Variants in EML1 observed in about 807,000 individuals in gnomAD.
The protein encoded by EML1 is echinoderm microtubule-associated protein-like 1.
Under a neutral mutation model 110.4 loss-of-function variants are expected in EML1, and 27 were observed. The ratio of observed to expected loss-of-function variants is 0.24; its 90% CI spans 0.18 to 0.34. The LOEUF is 0.34. EML1 is among the 10% of genes least tolerant of loss of function. The pLI is 1.00. For missense variants in EML1, 741 were observed against 1,030.9 expected, an observed-to-expected ratio of 0.72 and a Z score of 3.85; for synonymous variants, 344 against 385.8, an observed-to-expected ratio of 0.89 and a Z score of 1.27.
chr14:99,886,376 G>A (rs1046291709), intron 4 of EML1, among the ~76,000 whole-genome samples: 1 of 152,244 alleles, frequency 6.6e-6, no homozygotes, highest in Admixed American at 6.5e-5. Flanking sequence ...CAGATACTTG[G>A]GAGGCTGAGG....
At chr14:99,902,370 C>A (rs143220608) in intron 9 of EML1, among the ~76,000 whole-genome samples, 41 of 152,262 alleles carry the variant, frequency 2.7e-4, no homozygotes, top group Non-Finnish European at 5.1e-4. Flanking sequence ...GCTTTTATTT[C>A]TTCTGAGCCG....
At chr14:99,849,345 G>T (rs1013600098) in intron 1 of EML1, among the ~76,000 whole-genome samples, 22 of 152,046 alleles carry the variant, frequency 1.4e-4, no homozygotes, top group African/African-American at 5.3e-4. Context: ...TCAGACTGCA[G>T]GTCTTTTGTA....
rs79114812 is a variant in EML1 at position 99,764,096 on chromosome 14, T to A, written c.28+26236T>A. Among the ~76,000 whole-genome samples the A allele has an allele frequency of 3.0e-3, 455 of 152,264 alleles. 2 individuals are homozygous for A. The highest frequency in any genetic ancestry group is 0.01 in the African/African-American group (432 of 41,546). On this transcript the variant is annotated intron_variant, in intron 1 of 10. Coordinates refer to the EML1 transcript ENST00000554479. The stretch of plus-strand genomic sequence containing the variant: ...TACCAGTGAGTGGGGGCAGTGGAGA[T>A]GCCCGCTAGTCTCAGGCCACCGCTG...
Position 99,897,220 on chromosome 14 carries a change from A to C in EML1, c.753A>C (p.Ala251=), listed in dbSNP as rs140837808. 25 of 1,612,992 alleles carry C rather than the reference A, an allele frequency of 1.5e-5. No homozygotes were observed. Among genetic ancestry groups the C allele is most frequent in the Non-Finnish European group, 2.5e-6 (3 of 1,179,586 alleles). The change falls in exon 7 of 22, where the codon GCA becomes GCC. Residue 251 remains alanine, a synonymous_variant. Coordinates refer to ENST00000262233, the MANE Select transcript of EML1 (RefSeq NM_004434.3). ...CGGGAGAGACCGTCTACTTCATCGC[A>C]TCCGTGGTGGTGTTATACAACGTGG... is the stretch of plus-strand genomic sequence containing the variant. ...LPTGETVYFI[A]SVVVLYNVEE...
chr14:99,939,199 G>A lies in EML1; in HGVS notation c.2194G>A (p.Val732Met). ...CCTGTTTGTGGTCTTTGTTTTAGGAGTGTGGCCAGAAGGCTCGGACGGAAC... is the reference window on the plus strand; with the variant it reads ...CCTGTTTGTGGTCTTTGTTTTAGGAATGTGGCCAGAAGGCTCGGACGGAAC... ...TCTLGFHVFG[V>M]WPEGSDGTDI... The change falls in exon 21 of 22, where the codon GTG (valine) becomes ATG (methionine). Residue 732 changes from valine (V) to methionine (M), a missense_variant and splice_region_variant. Around this residue, in one of 4 missense-constraint regions of EML1, gnomAD observed 114 missense variants for 122.5 expected, o/e 0.93. Transcript: ENST00000262233. This position sits in a 1 kb window ranked among gnomAD's most constrained non-coding sequence, Gnocchi z 4.2. 1 of 1,614,140 alleles carries A rather than the reference G, an allele frequency of 6.2e-7. No individual in the cohort carries two copies. The highest frequency in any genetic ancestry group is 8.5e-7 in the Non-Finnish European group (1 of 1,179,996).
At chr14:99,804,375 G>A (rs1482823048) in intron 1 of EML1, among the ~76,000 whole-genome samples, 1 of 152,200 alleles carries the variant, frequency 6.6e-6, no homozygotes, top group African/African-American at 2.4e-5. Context: ...AGCATCAGGT[G>A]TTGGGCTGAG....
chr14:99,846,812 A>G (rs1455008224), intron 1 of EML1, among the ~76,000 whole-genome samples: 2 of 152,180 alleles, frequency 1.3e-5, no homozygotes, highest in Admixed American at 1.3e-4. Context: ...CATGCTTCAA[A>G]AGAGATACTC....
intron 3 of EML1, among the ~76,000 whole-genome samples, chr14:99,868,763 G>A (rs2059145168): frequency 6.6e-6 from 1 of 151,530 alleles, no homozygotes; most frequent in Non-Finnish European, 1.5e-5. Context: ...ACAATTCTTG[G>A]TTTTGTTGAT....
chr14:99,929,546 C>T (rs2060327965), intron 17 of EML1, among the ~76,000 whole-genome samples: 1 of 152,162 alleles, frequency 6.6e-6, no homozygotes, highest in South Asian at 2.1e-4. Context: ...TAGTTGCATG[C>T]GTGAATGTAG....
At chr14:99,829,381 G>A (rs2058412771) in intron 1 of EML1, among the ~76,000 whole-genome samples, 1 of 152,094 alleles carries the variant, frequency 6.6e-6, no homozygotes, top group Non-Finnish European at 1.5e-5. Context: ...ATTGCTTTTT[G>A]AGTGAACACT....
chr14:99,939,902 C>A lies in EML1; in HGVS notation c.2323-85C>A. 1 of 1,434,302 alleles carries A rather than the reference C, an allele frequency of 7.0e-7. No individual in the cohort carries two copies. The highest frequency in any genetic ancestry group is 9.2e-7 in the Non-Finnish European group (1 of 1,082,572). 88.8% of individuals were successfully genotyped at this position (1,434,302 alleles called of 1,614,324 possible). On this transcript the variant is annotated intron_variant, in intron 21 of 21. Coordinates refer to ENST00000262233, the MANE Select transcript of EML1 (RefSeq NM_004434.3). The surrounding 1 kb of genome is among the most constrained non-coding windows in gnomAD (Gnocchi z 4.2). ...CGGAGGGCGAGTAAAGGAATTAAGG[C>A]ATGCAGTGAGAATTCAAGCACTTTC...
At chr14:99,748,105 T>G (rs951184321) in intron 1 of EML1, among the ~76,000 whole-genome samples, 1 of 151,706 alleles carries the variant, frequency 6.6e-6, no homozygotes, top group South Asian at 2.1e-4. Flanking sequence ...GGGCAGGAGG[T>G]GTGGCTGCAG....
At chr14:99,751,103 A>G (rs1195636491) in intron 1 of EML1, among the ~76,000 whole-genome samples, 1 of 152,134 alleles carries the variant, frequency 6.6e-6, no homozygotes, top group African/African-American at 2.4e-5. Flanking sequence ...TTAGCCACCC[A>G]TCACATCCCA....
chr14:99,738,494 TG>T (rs1247723542), intron 1 of EML1, among the ~76,000 whole-genome samples: 37 of 152,146 alleles, frequency 2.4e-4, no homozygotes, highest in Admixed American at 2.4e-3. Context: ...CCCCGGCTCC[TG>T]CCAGTTACAG....
intron 1 of EML1, among the ~76,000 whole-genome samples, chr14:99,841,514 C>T (rs1485556926): frequency 6.6e-6 from 1 of 152,126 alleles, no homozygotes; most frequent in East Asian, 1.9e-4. Flanking sequence ...GTTTGAATCC[C>T]AAATCAGTGC....
intron 3 of EML1, among the ~76,000 whole-genome samples, chr14:99,869,056 A>G (rs1011637276): frequency 7.2e-5 from 11 of 152,084 alleles, no homozygotes; most frequent in Non-Finnish European, 1.5e-4. Flanking sequence ...TTCTTTGACC[A>G]TTGATTGTTT....
chr14:99,866,570 C>CA (rs57796662), intron 3 of EML1, among the ~76,000 whole-genome samples: 9,988 of 79,228 alleles, frequency 0.13, 1,896 homozygotes, highest in East Asian at 0.31. Context: ...AACTCCATCT[C>CA]AAAAAAAAAA....
Position 99,781,379 on chromosome 14 carries a change from C to T in EML1, c.-27+7366C>T, listed in dbSNP as rs2140215605. 6.6e-6 allele frequency among the ~76,000 whole-genome samples: 1 copy of T among 152,256 alleles called. No homozygotes were observed. The highest frequency in any genetic ancestry group is 2.4e-5 in the African/African-American group (1 of 41,554). ...GCATCCTCACTGCCAAGGCCATGCC[C>T]TCCCCCTGCACTCACTTCCTGATTC... On this transcript the variant is annotated intron_variant, in intron 1 of 22. Transcript: ENST00000327921. The surrounding 1 kb of genome is among the most constrained non-coding windows in gnomAD (Gnocchi z 4.2).
At chr14:99,851,094 T>A in intron 2 of EML1, 59 bp downstream of exon 2, 1 of 1,544,392 alleles carries the variant, frequency 6.5e-7, no homozygotes, top group Non-Finnish European at 8.8e-7. Context: ...AGAATCTTGC[T>A]CTAGCAAACA....
Sources: allele counts gnomAD v4.1 joint callset (sites outside exome capture counted in the v4.1 genomes callset), GRCh38; gene constraint gnomAD v4.1.1; regional missense constraint gnomAD v4.1.1; non-coding constraint Gnocchi (gnomAD v3.1); transcripts MANE v1.5; gene names NCBI Gene and HGNC (gene_info 2026-07-23, HGNC 2026-07-21).